Variants in KLHL29 observed in about 807,000 individuals in gnomAD.
The protein encoded by KLHL29 is kelch like family member 29, also known as kelch-like protein 29.
KLHL29 carries 21 observed loss-of-function variants against 80.4 expected under a neutral mutation model. The ratio of observed to expected loss-of-function variants is 0.26; its 90% confidence interval spans 0.19 to 0.38. The LOEUF is 0.38. KLHL29 is among the 10% of genes least tolerant of loss of function. The pLI, the probability that KLHL29 is intolerant of heterozygous loss-of-function variation, is 1.00. For synonymous variants in KLHL29, 511 were observed against 526.8 expected, an observed-to-expected ratio of 0.97 and a Z score of 0.41; for missense variants, 867 against 1,223.9, an observed-to-expected ratio of 0.71 and a Z score of 4.35.
chr2:23,557,257 T>C (rs1188910348), intron 2 of KLHL29, among the ~76,000 whole-genome samples: 2 of 152,192 alleles, frequency 1.3e-5, no homozygotes, highest in African/African-American at 4.8e-5. Flanking sequence ...ACACACTGGC[T>C]CGGTGCCCAG....
intron 5 of KLHL29, among the ~76,000 whole-genome samples, chr2:23,659,460 C>T (rs1670343445): frequency 6.6e-6 from 1 of 152,174 alleles, no homozygotes; most frequent in Admixed American, 6.5e-5. Context: ...CAGCAGGGTC[C>T]TCAGCCCCAG....
At chr2:23,592,620 AT>A (rs1401895575) in intron 3 of KLHL29, among the ~76,000 whole-genome samples, 2 of 152,192 alleles carry the variant, frequency 1.3e-5, no homozygotes, top group African/African-American at 4.8e-5. Flanking sequence ...GTCGCATGGA[AT>A]TTTTAGTGCA....
intron 5 of KLHL29, among the ~76,000 whole-genome samples, chr2:23,678,561 A>T (rs1442064972): frequency 6.6e-6 from 1 of 152,226 alleles, no homozygotes; most frequent in Non-Finnish European, 1.5e-5. Context: ...GGCCTGACCT[A>T]GATCTGCTGA....
chr2:23,536,100 A>G (rs1258648117), intron 2 of KLHL29, among the ~76,000 whole-genome samples: 1 of 152,214 alleles, frequency 6.6e-6, no homozygotes, highest in Non-Finnish European at 1.5e-5. Flanking sequence ...TCTGACTGCC[A>G]GGCCCTTTCA....
intron 4 of KLHL29, among the ~76,000 whole-genome samples, chr2:23,640,869 C>T (rs1409151133): frequency 2.6e-5 from 4 of 152,318 alleles, no homozygotes; most frequent in East Asian, 1.9e-4. Flanking sequence ...TCACCACCAG[C>T]TGGTGGCTCT....
intron 1 of KLHL29, among the ~76,000 whole-genome samples, chr2:23,389,389 T>C (rs1411851943): frequency 6.6e-6 from 1 of 152,240 alleles, no homozygotes; most frequent in African/African-American, 2.4e-5. Flanking sequence ...TCAGGCAAAG[T>C]AATTGGAACA....
At chr2:23,442,281 T>A (rs1237291695) in intron 1 of KLHL29, among the ~76,000 whole-genome samples, 1 of 152,052 alleles carries the variant, frequency 6.6e-6, no homozygotes, top group Non-Finnish European at 1.5e-5. Flanking sequence ...TTTGTAGATA[T>A]GGGGTCTCCC....
intron 4 of KLHL29, among the ~76,000 whole-genome samples, chr2:23,640,347 T>A (rs187637324): frequency 8.5e-5 from 13 of 152,332 alleles, no homozygotes; most frequent in African/African-American, 3.1e-4. Context: ...TTTAGGTCTC[T>A]TGTACCCTTG....
chr2:23,536,232 T>C (rs1263561788), intron 2 of KLHL29, among the ~76,000 whole-genome samples: 4 of 152,220 alleles, frequency 2.6e-5, no homozygotes. Context: ...ACGTGTATCC[T>C]GAAGCTGATG....
intron 1 of KLHL29, among the ~76,000 whole-genome samples, chr2:23,438,477 T>A (rs2103413062): frequency 7.1e-6 from 1 of 140,040 alleles, no homozygotes; most frequent in South Asian, 2.4e-4. Context: ...TATTTTGAGA[T>A]ACGTCCCATC....
At chr2:23,401,103 G>T (rs551176293) in intron 1 of KLHL29, among the ~76,000 whole-genome samples, 2 of 152,292 alleles carry the variant, frequency 1.3e-5, no homozygotes, top group African/African-American at 4.8e-5. Context: ...TTCCTCTGCT[G>T]CCCCGTTTCT....
At chr2:23,512,300 C>A (rs898351043) in intron 2 of KLHL29, among the ~76,000 whole-genome samples, 2 of 152,096 alleles carry the variant, frequency 1.3e-5, no homozygotes, top group South Asian at 4.2e-4. Flanking sequence ...ACAAAATTAG[C>A]TGGGCATGGT....
At chr2:23,447,585 C>T (rs901591681) in intron 1 of KLHL29, among the ~76,000 whole-genome samples, 10 of 152,216 alleles carry the variant, frequency 6.6e-5, no homozygotes, top group Non-Finnish European at 1.5e-4. Flanking sequence ...CTGATAATGG[C>T]CTTGGCTGAG....
chr2:23,522,963 A>T (rs939232644), intron 2 of KLHL29, among the ~76,000 whole-genome samples: 8 of 151,980 alleles, frequency 5.3e-5, no homozygotes, highest in African/African-American at 1.9e-4. Flanking sequence ...GGAGCTGACC[A>T]CGAGAGCAGG....
At position 23,434,567 on chromosome 2, in the gene KLHL29, T is replaced by C. The variant is rs151249904; in HGVS notation, c.-153-40993T>C. On this transcript the variant is annotated intron_variant, in intron 1 of 13. Coordinates refer to ENST00000486442, the MANE Select transcript of KLHL29 (RefSeq NM_052920.2). ...TTCTCCTGATTTCAAACTTGGGCCTTGTAGACGGGAAGAAAGAAAGAAGAG... is the reference window on the plus strand; with the variant it reads ...TTCTCCTGATTTCAAACTTGGGCCTCGTAGACGGGAAGAAAGAAAGAAGAG... Among the ~76,000 whole-genome samples the C allele has an allele frequency of 3.6e-3, 543 of 152,298 alleles. 4 individuals carry two copies. Among genetic ancestry groups the C allele is most frequent in the African/African-American group, 0.013 (524 of 41,566 alleles).
chr2:23,425,901 G>A (rs1558333887), intron 1 of KLHL29, among the ~76,000 whole-genome samples: 1 of 152,208 alleles, frequency 6.6e-6, no homozygotes, highest in African/African-American at 2.4e-5. Context: ...AGCCCAGAGA[G>A]GTGGGAAGAG....
chr2:23,597,383 GTATATATA>G (rs1558402790), intron 3 of KLHL29, among the ~76,000 whole-genome samples: 14 of 23,578 alleles, frequency 5.9e-4, no homozygotes, highest in East Asian at 4.5e-3. Context: ...GTGTGTGTGT[GTATATATA>G]TATATATATA....
intron 3 of KLHL29, among the ~76,000 whole-genome samples, chr2:23,627,924 T>TTTTTTTG (rs1558414555): frequency 1.3e-5 from 2 of 149,934 alleles, no homozygotes. Context: ...TTTTTTTTTT[T>TTTTTTTG]GAGATGGAGT....
In KLHL29 at chr2:23,696,119, A is replaced by C; in HGVS notation, c.1910A>C (p.Asn637Thr). The change falls in exon 10 of 14, where the codon AAC becomes ACC. Residue 637 changes from asparagine to threonine, a missense_variant. By Grantham distance (65) the Asn-to-Thr change is moderately conservative. Coordinates refer to ENST00000486442, the MANE Select transcript of KLHL29 (RefSeq NM_052920.2). The surrounding 1 kb of genome is among the most constrained non-coding windows in gnomAD (Gnocchi z 5.5). Reference protein sequence around the residue: ...EFFSVVSAGDNIYLSGGMESG... With the variant: ...EFFSVVSAGDTIYLSGGMESG... ...TTCAGTGTAGTGAGTGCAGGGGACAACATCTACCTCTCAGGTGAGGCCCCC... is the reference window on the plus strand; with the variant it reads ...TTCAGTGTAGTGAGTGCAGGGGACACCATCTACCTCTCAGGTGAGGCCCCC... 1 of 1,551,580 alleles carries C rather than the reference A, an allele frequency of 6.4e-7. No homozygotes were observed.
Sources: allele counts gnomAD v4.1 joint callset (sites outside exome capture counted in the v4.1 genomes callset), GRCh38; gene constraint gnomAD v4.1.1; non-coding constraint Gnocchi (gnomAD v3.1); transcripts MANE v1.5; gene names NCBI Gene and HGNC (gene_info 2026-07-23, HGNC 2026-07-21).